GRID1: variants seen among roughly 807,000 people sequenced by gnomAD.
GRID1 encodes glutamate receptor ionotropic, delta-1.
In GRID1, 28 loss-of-function variants were observed where a neutral mutation model predicts 98.0. The ratio of observed to expected loss-of-function variants is 0.29; its 90% CI spans 0.21 to 0.39. The LOEUF (loss-of-function observed/expected upper bound fraction) is 0.39. Among genes scored for constraint, GRID1 ranks in the 10% least tolerant of loss-of-function variants. The probability of loss-of-function intolerance (pLI) is 1.00; values close to 1 mark genes in which losing one functional copy is unlikely to be tolerated. For missense variants in GRID1, 1,111 were observed against 1,340.5 expected (o/e 0.83, Z 2.67); for synonymous variants, 553 against 538.5 (o/e 1.03, Z -0.37).
At position 85,783,238 on chromosome 10, in the gene GRID1, C is replaced by A. The variant is rs928820098; in HGVS notation, c.1234-53624G>T. ...GTGGACAACAGCATCGCTAGCAGCA[C>A]CCTTGCAATGAAGGCGACAAGAAGC... On this transcript the variant is annotated intron_variant, in intron 8 of 15. Transcript: ENST00000327946. Among the ~76,000 whole-genome samples, 3 of 152,140 alleles carry A rather than the reference C, an allele frequency of 2.0e-5. No homozygotes were observed. In the South Asian group the frequency reaches 6.2e-4, roughly 32 times the overall value.
chr10:86,284,741 G>C (rs1180021689), intron 2 of GRID1, among the ~76,000 whole-genome samples: 3 of 152,230 alleles, frequency 2.0e-5, no homozygotes, highest in Admixed American at 6.5e-5. Context: ...CTGTGGGGAA[G>C]GCCACAATGC....
At position 86,176,004 on chromosome 10, in the gene GRID1, C is replaced by T. The variant is rs187780777; in HGVS notation, c.520+30360G>A. ...GATTACAGGCGTGAGCCACCACACC[C>T]GGCCTAATTTTTGTGTTTTTAGTAG... On this transcript the variant is annotated intron_variant, in intron 3 of 15. Coordinates refer to ENST00000327946, the MANE Select transcript of GRID1 (RefSeq NM_017551.3). 4.7e-3 allele frequency among the ~76,000 whole-genome samples: 712 copies of T among 152,290 alleles called. 10 individuals are homozygous for T. The highest frequency in any genetic ancestry group is 0.016 in the African/African-American group (666 of 41,560).
intron 4 of GRID1, among the ~76,000 whole-genome samples, chr10:86,128,016 C>T (rs1844779111): frequency 6.6e-6 from 1 of 152,176 alleles, no homozygotes; most frequent in Non-Finnish European, 1.5e-5. Context: ...CAGTAAATAG[C>T]CTCAAAAAGA....
intron 4 of GRID1, among the ~76,000 whole-genome samples, chr10:85,926,470 C>T (rs967756218): frequency 6.6e-6 from 1 of 152,172 alleles, no homozygotes; most frequent in Non-Finnish European, 1.5e-5. Flanking sequence ...AGCCCCCAAG[C>T]AGTTGGGTCC....
intron 4 of GRID1, among the ~76,000 whole-genome samples, chr10:85,985,454 C>A (rs958655303): frequency 6.6e-6 from 1 of 152,146 alleles, no homozygotes; most frequent in Non-Finnish European, 1.5e-5. Flanking sequence ...AGGAGCAGCC[C>A]CTGTGAATCT....
intron 4 of GRID1, among the ~76,000 whole-genome samples, chr10:85,924,299 T>A (rs765053497): frequency 4.3e-4 from 65 of 152,248 alleles, no homozygotes; most frequent in Non-Finnish European, 8.5e-4. Flanking sequence ...AACTTCATTA[T>A]ACACTTGATT....
At chr10:86,351,132 G>A (rs1848455984) in intron 2 of GRID1, among the ~76,000 whole-genome samples, 1 of 152,224 alleles carries the variant, frequency 6.6e-6, no homozygotes, top group Non-Finnish European at 1.5e-5. Context: ...TGAGATTCCT[G>A]GGCCAGCTGC....
intron 4 of GRID1, among the ~76,000 whole-genome samples, chr10:85,922,192 G>T (rs1249715179): frequency 1.3e-5 from 2 of 152,154 alleles, no homozygotes; most frequent in Admixed American, 1.3e-4. Flanking sequence ...GAACAAAATG[G>T]TCTTTTTTCT....
intron 8 of GRID1, among the ~76,000 whole-genome samples, chr10:85,830,075 T>C (rs1000379441): frequency 1.3e-5 from 2 of 152,170 alleles, no homozygotes; most frequent in Admixed American, 1.3e-4. Flanking sequence ...AAGGCTACAG[T>C]AGCCAGAACA....
chr10:86,361,283 G>A (rs1188666184), intron 2 of GRID1, among the ~76,000 whole-genome samples: 1 of 152,182 alleles, frequency 6.6e-6, no homozygotes, highest in Non-Finnish European at 1.5e-5. Context: ...ATCCCTTGTA[G>A]GCATCCAAGG....
intron 8 of GRID1, among the ~76,000 whole-genome samples, chr10:85,810,114 T>A (rs1225834391): frequency 6.7e-6 from 1 of 149,382 alleles, no homozygotes; most frequent in Non-Finnish European, 1.5e-5. Flanking sequence ...ACCATGGGAT[T>A]CCACCATCTT....
At chr10:85,659,227 A>G (rs78367663) in intron 12 of GRID1, among the ~76,000 whole-genome samples, 4,754 of 152,322 alleles carry the variant, frequency 0.031, 240 homozygotes, top group African/African-American at 0.11. Flanking sequence ...GGGTGTGTTC[A>G]TGTAAGAGTG....
chr10:85,854,653 T>C, intron 7 of GRID1, 38 bp from the exon 8 acceptor site: 1 of 1,612,592 alleles, frequency 6.2e-7, no homozygotes, highest in Non-Finnish European at 8.5e-7. Context: ...AAAATCTGGT[T>C]AAGGTAGAGG....
chr10:85,993,377 C>T (rs556050367), intron 4 of GRID1, among the ~76,000 whole-genome samples: 1 of 152,314 alleles, frequency 6.6e-6, no homozygotes, highest in Admixed American at 6.5e-5. Context: ...CAGGACACTG[C>T]CTCACATAGG....
intron 8 of GRID1, among the ~76,000 whole-genome samples, chr10:85,809,890 T>C (rs1842655350): frequency 6.6e-6 from 1 of 152,166 alleles, no homozygotes; most frequent in African/African-American, 2.4e-5. Context: ...CTGTAGTCTT[T>C]ACTACAGAAG....
intron 4 of GRID1, among the ~76,000 whole-genome samples, chr10:85,971,184 A>T (rs1842402642): frequency 6.6e-6 from 1 of 152,056 alleles, no homozygotes; most frequent in Admixed American, 6.5e-5. Flanking sequence ...TTTCCCCAGG[A>T]GTCATTCAGC....
chr10:85,724,004 A>T (rs1841732900), intron 11 of GRID1, among the ~76,000 whole-genome samples: 1 of 152,300 alleles, frequency 6.6e-6, no homozygotes, highest in South Asian at 2.1e-4. Flanking sequence ...TTTTTTCCCC[A>T]TTAAGTCATC....
rs144567355 is a variant in GRID1, at chr10:85,978,631, C to T, written c.727-62392G>A. Among the ~76,000 whole-genome samples the T allele has an allele frequency of 1.8e-3, 280 of 151,964 alleles. 1 individual carries two copies. The highest frequency in any genetic ancestry group is 6.4e-3 in the African/African-American group (266 of 41,458). Reference sequence around the variant, plus strand: ...CTTTAACAGAAAAAAAAAAAGCTAACACTTCTTGAATGTCTACTACATGCT... The same window carrying T: ...CTTTAACAGAAAAAAAAAAAGCTAATACTTCTTGAATGTCTACTACATGCT... On this transcript the variant is annotated intron_variant, in intron 4 of 15. Coordinates refer to ENST00000327946, the MANE Select transcript of GRID1 (RefSeq NM_017551.3).
At chr10:86,169,367 G>A (rs990891833) in intron 3 of GRID1, among the ~76,000 whole-genome samples, 1 of 152,186 alleles carries the variant, frequency 6.6e-6, no homozygotes, top group South Asian at 2.1e-4. Flanking sequence ...CCCCTGACTT[G>A]TAGCATTTAC....
Sources: gnomAD v4.1 joint callset for allele counts (sites outside exome capture counted in the v4.1 genomes callset) on GRCh38, gnomAD v4.1.1 for gene constraint, MANE v1.5 for transcripts, NCBI Gene and HGNC (gene_info 2026-07-23, HGNC 2026-07-21) for gene names.